RHBDF1: variants seen among roughly 807,000 people sequenced by gnomAD.
RHBDF1 encodes inactive rhomboid protein 1.
In RHBDF1, 80 loss-of-function variants were observed where a neutral mutation model predicts 98.6. The ratio of observed to expected loss-of-function variants is 0.81; its 90% CI spans 0.68 to 0.98. The LOEUF (loss-of-function observed/expected upper bound fraction) is 0.98, where lower values mean the gene tolerates loss of function less well. RHBDF1 is among the 50% of genes least tolerant of loss of function. RHBDF1 has a pLI of 0.00. For missense variants in RHBDF1, 1,116 were observed against 1,198.3 expected (o/e 0.93, Z 1.01); for synonymous variants, 512 against 486.8 (o/e 1.05, Z -0.68).
chr16:72,835 CT>C (rs1898014930), upstream of RHBDF1, among the ~76,000 whole-genome samples: 1 of 152,182 alleles, frequency 6.6e-6, no homozygotes. Flanking sequence ...GACGGAGGAC[CT>C]GGTGGGAGCG....
intron 11 of RHBDF1, among the ~76,000 whole-genome samples, chr16:60,837 G>A (rs902087982): frequency 6.6e-6 from 1 of 152,152 alleles, no homozygotes. Context: ...TTTAAAAATT[G>A]CTTAGTGGAA....
upstream of RHBDF1, among the ~76,000 whole-genome samples, chr16:73,310 C>G (rs1193622238): frequency 3.9e-5 from 6 of 152,142 alleles, no homozygotes. Flanking sequence ...TGCCCCTACC[C>G]CCAGAAGCCC....
chr16:72,421 C>G (rs1897998004), intron 1 of RHBDF1, 92 bp downstream of exon 1: 1 of 608,140 alleles, frequency 1.6e-6, no homozygotes, highest in South Asian at 7.1e-5. Context: ...GCAGCTCCGG[C>G]CCCGGGTGCT....
upstream of RHBDF1, among the ~76,000 whole-genome samples, chr16:75,214 C>A (rs113888627): frequency 6.6e-6 from 1 of 152,176 alleles, no homozygotes. Flanking sequence ...CCAGCACTCC[C>A]GGGGCTGGTG....
At chr16:69,093 G>T (rs945983037) in intron 1 of RHBDF1, among the ~76,000 whole-genome samples, 1 of 152,170 alleles carries the variant, frequency 6.6e-6, no homozygotes, top group Non-Finnish European at 1.5e-5. Flanking sequence ...GGCAGGAGCT[G>T]GGGGGTGAAA....
intron 4 of RHBDF1, among the ~76,000 whole-genome samples, 167 bp from the exon 5 acceptor site, chr16:63,349 C>T (rs925099027): frequency 1.3e-5 from 2 of 152,194 alleles, no homozygotes; most frequent in African/African-American, 4.8e-5. Context: ...GAGGTCCTGC[C>T]TGGAATGCTC....
chr16:59,693 G>A, intron 14 of RHBDF1, 39 bp downstream of exon 14: 4 of 1,608,994 alleles, frequency 2.5e-6, no homozygotes, highest in Non-Finnish European at 3.4e-6. Flanking sequence ...GATGCTCTGA[G>A]CCCAGAGACC....
At chr16:59,148 G>A (rs375797502) in intron 16 of RHBDF1, 21 bp from the exon 17 acceptor site, 1 of 1,608,424 alleles carries the variant, frequency 6.2e-7, no homozygotes, top group Non-Finnish European at 8.5e-7. Flanking sequence ...TAGCAGGCGG[G>A]GGTCGGGAGA....
upstream of RHBDF1, among the ~76,000 whole-genome samples, chr16:73,312 C>G (rs969579780): frequency 3.3e-5 from 5 of 152,136 alleles, no homozygotes; most frequent in Non-Finnish European, 7.4e-5. Flanking sequence ...CCCCTACCCC[C>G]AGAAGCCCCG....
At position 61,635 on chromosome 16, in the gene RHBDF1, T is replaced by C; in HGVS notation, c.1270A>G (p.Ile424Val). Residue 424 changes from isoleucine to valine, a missense_variant, in exon 9 of 18, where the codon ATC (isoleucine) becomes GTC (valine). Coordinates refer to ENST00000262316, the MANE Select transcript of RHBDF1 (RefSeq NM_022450.5). ...HSLVTILAVC[I>V]YGIAPVGFSQ... ...AAGCCCACGGGCGCGATGCCATAGATGCACACGGCTAGGATGGTGACGAGC... is the reference window on the plus strand; with the variant it reads ...AAGCCCACGGGCGCGATGCCATAGACGCACACGGCTAGGATGGTGACGAGC... 1 of 1,613,416 alleles carries C rather than the reference T, an allele frequency of 6.2e-7. No individual in the cohort carries two copies. Among genetic ancestry groups the C allele is most frequent in the Non-Finnish European group, 8.5e-7 (1 of 1,179,890 alleles).
At position 62,013 on chromosome 16, in the gene RHBDF1, G is replaced by A. The variant is rs772365601; in HGVS notation, c.993C>T (p.Ala331=). 9.1e-6 allele frequency: 14 copies of A among 1,537,992 alleles called. No individual in the cohort carries two copies. Among genetic ancestry groups the A allele is most frequent in the Middle Eastern group, 4.6e-4 (2 of 4,312 alleles). ...ERGWRKQKEG[A]AAPQPKVRLR... Reference sequence around the variant, plus strand: ...GCCGCACCTTGGGCTGCGGGGCTGCGGCGCCCTCCTTCTGCTTCCGCCAGC... The same window carrying A: ...GCCGCACCTTGGGCTGCGGGGCTGCAGCGCCCTCCTTCTGCTTCCGCCAGC... Residue 331 remains alanine, a synonymous_variant, in exon 8 of 18, where the codon GCC becomes GCT. Coordinates refer to ENST00000262316, the MANE Select transcript of RHBDF1 (RefSeq NM_022450.5).
At chr16:63,564 G>A in intron 4 of RHBDF1, 23 bp downstream of exon 4, 5 of 1,519,018 alleles carry the variant, frequency 3.3e-6, no homozygotes, top group Non-Finnish European at 4.4e-6. Context: ...GGGCCTGCAG[G>A]AGGCAGCAAC....
intron 1 of RHBDF1, among the ~76,000 whole-genome samples, chr16:70,007 CA>C (rs35165704): frequency 0.43 from 55,824 of 130,920 alleles, 12,678 homozygotes; most frequent in East Asian, 0.61. Flanking sequence ...CAGCACTTGG[CA>C]GGAGGGGGGG....
chr16:63,487 C>G (rs1014901603), intron 4 of RHBDF1, 100 bp downstream of exon 4: 3 of 1,062,158 alleles, frequency 2.8e-6, no homozygotes, highest in Admixed American at 2.4e-5. Flanking sequence ...AGACTGTGAG[C>G]TCCCAGAGAG....
intron 1 of RHBDF1, among the ~76,000 whole-genome samples, chr16:68,480 C>G (rs1360178731): frequency 1.3e-5 from 2 of 152,220 alleles, no homozygotes; most frequent in Non-Finnish European, 2.9e-5. Context: ...TCGGGGGGAT[C>G]CAAACAGTGT....
chr16:61,543 G>A (rs1897623833), intron 9 of RHBDF1, 42 bp downstream of exon 9: 1 of 1,609,820 alleles, frequency 6.2e-7, no homozygotes, highest in East Asian at 2.2e-5. Context: ...TCCAGTGCCC[G>A]GACTCCACTC....
intron 1 of RHBDF1, among the ~76,000 whole-genome samples, chr16:68,632 A>G (rs1897890719): frequency 6.7e-6 from 1 of 149,596 alleles, no homozygotes; most frequent in Admixed American, 6.8e-5. Context: ...GGAGACACCC[A>G]AAGCCACAGT....
chr16:61,639 C>G lies in RHBDF1; in HGVS notation c.1266G>C (p.Val422=), dbSNP rs536221322. The change falls in exon 9 of 18, where the codon GTG becomes GTC. Residue 422 remains valine, a synonymous_variant. Transcript: ENST00000262316. ...FVHSLVTILA[V]CIYGIAPVGF... The stretch of plus-strand genomic sequence containing the variant: ...CCACGGGCGCGATGCCATAGATGCA[C>G]ACGGCTAGGATGGTGACGAGCGAGT... 1 of 1,613,556 alleles carries G rather than the reference C, an allele frequency of 6.2e-7. No individual in the cohort carries two copies. Among genetic ancestry groups the G allele is most frequent in the South Asian group, 1.1e-5 (1 of 91,082 alleles).
intron 1 of RHBDF1, among the ~76,000 whole-genome samples, chr16:71,716 C>T (rs1472331219): frequency 6.6e-6 from 1 of 152,228 alleles, no homozygotes; most frequent in Non-Finnish European, 1.5e-5. Context: ...CGGTCGGAAG[C>T]AGGCCCTGGG....
Sources: gnomAD v4.1 joint callset for allele counts (sites outside exome capture counted in the v4.1 genomes callset) on GRCh38, gnomAD v4.1.1 for gene constraint, MANE v1.5 for transcripts, NCBI Gene and HGNC (gene_info 2026-07-23, HGNC 2026-07-21) for gene names.